EBPL: variants seen among roughly 807,000 people sequenced by gnomAD.
EBPL encodes EBP like, also known as emopamil-binding protein-like.
In EBPL, 20 loss-of-function variants were observed where a neutral mutation model predicts 19.0. That is an observed-to-expected ratio of 1.05 (90% confidence interval 0.74 to 1.53). The LOEUF (loss-of-function observed/expected upper bound fraction) is 1.53, where lower values mean the gene tolerates loss of function less well. Ranked by LOEUF, EBPL falls within the 40% of genes most tolerant of loss-of-function variation. The pLI, the probability that EBPL is intolerant of heterozygous loss-of-function variation, is 0.00. For missense variants in EBPL, 219 were observed against 261.1 expected (o/e 0.84, Z 1.11); for synonymous variants, 107 against 117.0 (o/e 0.91, Z 0.55).
Position 49,684,257 on chromosome 13 carries a change from A to T in EBPL, c.171+6997T>A, listed in dbSNP as rs183367405. On this transcript the variant is annotated intron_variant, in intron 1 of 3. Coordinates refer to ENST00000242827, the MANE Select transcript of EBPL (RefSeq NM_032565.5). ...GTACACAGAATGGGTTTTATTATACATAAATTATAACAATAAAGCTGGAGG... is the reference window on the plus strand; with the variant it reads ...GTACACAGAATGGGTTTTATTATACTTAAATTATAACAATAAAGCTGGAGG... Among the ~76,000 whole-genome samples the T allele has an allele frequency of 8.5e-5, 13 of 152,382 alleles. No homozygotes were observed. The East Asian group carries it at 2.5e-3, about 29-fold the overall frequency.
intron 2 of EBPL, among the ~76,000 whole-genome samples, chr13:49,666,644 G>A (rs551314819): frequency 1.5e-4 from 22 of 150,450 alleles, no homozygotes; most frequent in South Asian, 1.1e-3. Context: ...CCCAAGAGGC[G>A]GAGCTTGCAG....
rs117242888 is a variant in EBPL, at chr13:49,678,166, A to C, written c.172-8320T>G. 6.5e-3 allele frequency among the ~76,000 whole-genome samples: 993 copies of C among 152,276 alleles called. 71 individuals are homozygous for C. The East Asian group carries it at 0.16, about 25-fold the overall frequency. ...CAGGGTGCTGTTTGGTGCGTTTACG[A>C]ACCTTGAGCTAGACACAGAATGCTG... On this transcript the variant is annotated intron_variant, in intron 1 of 3. Coordinates refer to ENST00000242827, the MANE Select transcript of EBPL (RefSeq NM_032565.5).
intron 1 of EBPL, among the ~76,000 whole-genome samples, chr13:49,688,423 GA>G (rs896847334): frequency 1.3e-5 from 2 of 152,112 alleles, no homozygotes; most frequent in African/African-American, 4.8e-5. Flanking sequence ...CTCTCTTTAA[GA>G]AGTGTCAGGG....
intron 1 of EBPL, among the ~76,000 whole-genome samples, chr13:49,689,239 T>C (rs1954033912): frequency 6.6e-6 from 1 of 152,250 alleles, no homozygotes; most frequent in Non-Finnish European, 1.5e-5. Flanking sequence ...TGTGTCGTGT[T>C]ACCTGTAACA....
intron 2 of EBPL, among the ~76,000 whole-genome samples, chr13:49,665,295 G>A (rs572804479): frequency 6.6e-6 from 1 of 151,826 alleles, no homozygotes; most frequent in Admixed American, 6.6e-5. Context: ...TGACTGAGAC[G>A]GAGTCTCACT....
chr13:49,669,718 G>T, intron 2 of EBPL, 59 bp downstream of exon 2: 1 of 1,463,498 alleles, frequency 6.8e-7, no homozygotes, highest in Non-Finnish European at 9.6e-7. Flanking sequence ...GCGTTTGACA[G>T]TCACACTTGC....
At chr13:49,670,069 T>G (rs1007507112) in intron 1 of EBPL, among the ~76,000 whole-genome samples, 5 of 152,228 alleles carry the variant, frequency 3.3e-5, no homozygotes, top group Admixed American at 2.0e-4. Context: ...CAATTAATGT[T>G]GTTTTTCAAT....
intron 1 of EBPL, among the ~76,000 whole-genome samples, chr13:49,674,802 TG>T (rs1953858835): frequency 6.6e-6 from 1 of 152,052 alleles, no homozygotes; most frequent in Non-Finnish European, 1.5e-5. Flanking sequence ...GCCCAGAGGA[TG>T]GTGTGAGGCC....
chr13:49,671,283 G>A (rs1221250633), intron 1 of EBPL, among the ~76,000 whole-genome samples: 4 of 152,122 alleles, frequency 2.6e-5, no homozygotes, highest in South Asian at 2.1e-4. Context: ...GACCACAGGC[G>A]TGTGACACCA....
intron 1 of EBPL, among the ~76,000 whole-genome samples, chr13:49,673,494 G>A (rs950978958): frequency 1.3e-5 from 2 of 152,204 alleles, no homozygotes; most frequent in African/African-American, 4.8e-5. Context: ...CAGGAGTGCA[G>A]TGGCTCGATC....
chr13:49,684,917 T>C (rs931894339), intron 1 of EBPL, among the ~76,000 whole-genome samples: 4 of 152,154 alleles, frequency 2.6e-5, no homozygotes, highest in Non-Finnish European at 1.5e-5. Flanking sequence ...AATTATTTTT[T>C]ATTTTTGAGA....
chr13:49,663,634 T>A lies in EBPL; in HGVS notation c.242-439A>T, dbSNP rs115645624. Reference sequence around the variant, plus strand: ...TGTGGGAAATTTGTTATGAAGGACATGTTTATAAAAAACACGTTTATGGCC... The same window carrying A: ...TGTGGGAAATTTGTTATGAAGGACAAGTTTATAAAAAACACGTTTATGGCC... On this transcript the variant is annotated intron_variant, in intron 2 of 3. Transcript: ENST00000242827. 5.1e-3 allele frequency among the ~76,000 whole-genome samples: 771 copies of A among 152,346 alleles called. 4 individuals are homozygous for A. The highest frequency in any genetic ancestry group is 0.017 in the African/African-American group (726 of 41,578).
intron 1 of EBPL, among the ~76,000 whole-genome samples, chr13:49,690,427 A>AC (rs1954049258): frequency 1.3e-5 from 2 of 151,870 alleles, no homozygotes; most frequent in Admixed American, 6.6e-5. Context: ...ACAAAAAAAA[A>AC]AAAAAACAAA....
At chr13:49,676,900 A>G (rs1953882391) in intron 1 of EBPL, among the ~76,000 whole-genome samples, 1 of 152,146 alleles carries the variant, frequency 6.6e-6, no homozygotes. Flanking sequence ...CTAATTCCTT[A>G]GTCCTTCCTA....
At chr13:49,691,146 G>T in intron 1 of EBPL, 108 bp downstream of exon 1, 1 of 1,022,846 alleles carries the variant, frequency 9.8e-7, no homozygotes. Flanking sequence ...GCAGGGGGAG[G>T]GGCGGCCAGC....
chr13:49,678,307 A>C (rs913589812), intron 1 of EBPL, among the ~76,000 whole-genome samples: 1 of 151,814 alleles, frequency 6.6e-6, no homozygotes, highest in East Asian at 1.9e-4. Flanking sequence ...GGGCAGAGCT[A>C]CCCGCCAGTC....
chr13:49,674,615 C>A (rs1594410407), intron 1 of EBPL, among the ~76,000 whole-genome samples: 8 of 105,872 alleles, frequency 7.6e-5, no homozygotes, highest in Admixed American at 9.9e-5. Flanking sequence ...ACTGTCAGGA[C>A]TTAAAAAAAA....
intron 1 of EBPL, among the ~76,000 whole-genome samples, chr13:49,678,265 G>C (rs1444698285): frequency 6.6e-6 from 1 of 152,332 alleles, no homozygotes; most frequent in Middle Eastern, 3.4e-3. Flanking sequence ...AGCCCAGCTG[G>C]CTTCCCCTAG....
Position 49,686,414 on chromosome 13 carries a change from G to A in EBPL, c.171+4840C>T, listed in dbSNP as rs1953998615. The A allele has an allele frequency of 2.4e-6, 3 of 1,245,426 alleles. No homozygotes were observed. The African/African-American group carries it at 4.7e-5, about 20-fold the overall frequency. 77.1% of individuals were successfully genotyped at this position (1,245,426 alleles called of 1,614,324 possible). ...CCTGGCCTATAAGCCTTTGGCTTCT[G>A]GAGCCTCCCTCCCATCAATCCCACT... On this transcript the variant is annotated intron_variant, in intron 1 of 3. Transcript: ENST00000242827.
Sources: allele counts gnomAD v4.1 joint callset (sites outside exome capture counted in the v4.1 genomes callset), GRCh38; gene constraint gnomAD v4.1.1; transcripts MANE v1.5; gene names NCBI Gene and HGNC (gene_info 2026-07-23, HGNC 2026-07-21).